Variants in OR2T12 observed in about 807,000 individuals in gnomAD.
The protein encoded by OR2T12 is olfactory receptor family 2 subfamily T member 12.
For missense variants in OR2T12, 335 were observed against 404.3 expected (o/e 0.83, Z 1.47); for synonymous variants, 127 against 160.5 (o/e 0.79, Z 1.58).
At position 248,295,611 on chromosome 1, in the gene OR2T12, A is replaced by C. The variant is rs777749915; in HGVS notation, c.-8-25T>G. ...CCTGGTGTGATGGTGCAAATGGAAA[A>C]ATAGAGAAAGAAGAGGCTTTTATGG... On this transcript the variant is annotated intron_variant, in intron 2 of 2. Coordinates refer to ENST00000641276, the MANE Select transcript of OR2T12 (RefSeq NM_001004692.2). 18 of 1,544,258 alleles carry C rather than the reference A, an allele frequency of 1.2e-5. No individual in the cohort carries two copies. The East Asian group carries it at 3.2e-4, about 27-fold the overall frequency.
Position 248,295,375 on chromosome 1 carries a change from G to C in OR2T12, c.204C>G (p.Asp68Glu), listed in dbSNP as rs546462161. 4.4e-6 allele frequency: 7 copies of C among 1,587,718 alleles called. 1 individual carries two copies. In the African/African-American group the frequency reaches 5.4e-5, roughly 12 times the overall value. ...YFLLSQLSLM[D>E]MMLVSTTVPK... ...GCACAGTGGTGGAAACCAGCATCAT[G>C]TCCATGAGGGAAAGTTGGCTCAGGA... is the stretch of plus-strand genomic sequence containing the variant. Residue 68 changes from aspartate (D) to glutamate (E), a missense_variant, in exon 3 of 3, where the codon GAC becomes GAG. Physicochemically the swap from Asp to Glu is conservative, Grantham distance 45. Coordinates refer to ENST00000641276, the MANE Select transcript of OR2T12 (RefSeq NM_001004692.2).
In OR2T12 at chr1:248,296,473, A is replaced by G. The variant is rs192806928; in HGVS notation, c.-8-887T>C. 6.3e-3 allele frequency among the ~76,000 whole-genome samples: 959 copies of G among 152,316 alleles called. 7 individuals are homozygous for G. Among genetic ancestry groups the G allele is most frequent in the African/African-American group, 0.022 (894 of 41,558 alleles). On this transcript the variant is annotated intron_variant, in intron 2 of 2. Coordinates refer to ENST00000641276, the MANE Select transcript of OR2T12 (RefSeq NM_001004692.2). The stretch of plus-strand genomic sequence containing the variant: ...TGAACGAGTTTACAGCCCCACCAAC[A>G]GTGTAAAAGTGTTCCTATTTCTCCA...
At chr1:248,298,440 T>A (rs1215824221) in intron 2 of OR2T12, among the ~76,000 whole-genome samples, 1 of 152,228 alleles carries the variant, frequency 6.6e-6, no homozygotes, top group African/African-American at 2.4e-5. Flanking sequence ...AAGTTCCTCC[T>A]TGTACCTCTG....
intron 2 of OR2T12, among the ~76,000 whole-genome samples, chr1:248,296,816 T>C (rs1659735300): frequency 6.6e-6 from 1 of 152,200 alleles, no homozygotes; most frequent in Admixed American, 6.5e-5. Flanking sequence ...CCTGTCACTC[T>C]GATGGTAGTT....
At position 248,294,899 on chromosome 1, in the gene OR2T12, C is replaced by T. The variant is rs145703258; in HGVS notation, c.680G>A (p.Arg227His). ...GGCCTTCTTGCGGGCTTCTGTAGAG[C>T]GCATGAGCAGAACAGCAGCGAGGAT... ...GLILAAVLLM[R>H]STEARKKAFA... Residue 227 changes from arginine to histidine, a missense_variant, in exon 3 of 3, where the codon CGC (arginine) becomes CAC (histidine). Coordinates refer to ENST00000641276, the MANE Select transcript of OR2T12 (RefSeq NM_001004692.2). 29 of 1,611,734 alleles carry T rather than the reference C, an allele frequency of 1.8e-5. No homozygotes were observed. Among genetic ancestry groups the T allele is most frequent in the Middle Eastern group, 2.2e-4 (1 of 4,526 alleles).
At position 248,295,054 on chromosome 1, in the gene OR2T12, G is replaced by C. The variant is rs759509374; in HGVS notation, c.525C>G (p.Phe175Leu). 1 of 1,609,974 alleles carries C rather than the reference G, an allele frequency of 6.2e-7. No individual in the cohort carries two copies. The highest frequency in any genetic ancestry group is 8.5e-7 in the Non-Finnish European group (1 of 1,179,518). The change falls in exon 3 of 3, where the codon TTC (phenylalanine) becomes TTG (leucine). Residue 175 changes from phenylalanine to leucine, a missense_variant. Physicochemically the swap from Phe to Leu is conservative, Grantham distance 22. Transcript: ENST00000641276. ...GCACCAACACGGGGGCCTCGCAGAA[G>C]AAGTGATCGATCTCGTGTGCACCGC... is the stretch of plus-strand genomic sequence containing the variant. The part of the protein sequence containing the change: ...PYCGAHEIDH[F>L]FCEAPVLVRL...
rs1228268385 is a variant in OR2T12 at position 248,301,202 on chromosome 1, T to TA, written c.-9+170dup. ...TATATCACAAATTTATAACAGTTTA[T>TA]AAGTGATAAAATTGAAAATACTGAG... On this transcript the variant is annotated intron_variant, in intron 2 of 2. Coordinates refer to ENST00000641276, the MANE Select transcript of OR2T12 (RefSeq NM_001004692.2). Among the ~76,000 whole-genome samples the TA allele has an allele frequency of 2.6e-5, 4 of 152,118 alleles. No individual in the cohort carries two copies. In the East Asian group the frequency reaches 7.7e-4, roughly 29 times the overall value.
chr1:248,296,817 G>A (rs963715689), intron 2 of OR2T12, among the ~76,000 whole-genome samples: 18 of 152,142 alleles, frequency 1.2e-4, no homozygotes, highest in African/African-American at 3.9e-4. Flanking sequence ...CTGTCACTCT[G>A]ATGGTAGTTT....
At chr1:248,297,084 TTCC>T (rs569510013) in intron 2 of OR2T12, among the ~76,000 whole-genome samples, 34 of 152,278 alleles carry the variant, frequency 2.2e-4, no homozygotes, top group African/African-American at 7.9e-4. Context: ...CTAGCCAGTT[TTCC>T]CAGCACCATT....
In OR2T12 at chr1:248,292,677, A is replaced by G. The variant is rs1377806576; in HGVS notation, c.*1939T>C. The stretch of plus-strand genomic sequence containing the variant: ...ACTAGTCTGAAATACCACTTCTTTG[A>G]AACATGTCTATTTTTATACATATTT... On this transcript the variant is annotated 3_prime_UTR_variant, in exon 3 of 3. Transcript: ENST00000641276. 1.3e-5 allele frequency: 2 copies of G among 152,164 alleles called. No individual in the cohort carries two copies. Among genetic ancestry groups the G allele is most frequent in the African/African-American group, 4.8e-5 (2 of 41,554 alleles). 9.4% of individuals were successfully genotyped at this position (152,164 alleles called of 1,614,324 possible).
At position 248,295,097 on chromosome 1, in the gene OR2T12, G is replaced by A; in HGVS notation, c.482C>T (p.Thr161Ile). ...AADGLLQAVATLSFPYCGAHE... is the reference protein window; with the variant it reads ...AADGLLQAVAILSFPYCGAHE... ...TGCACCGCAATATGGGAAGCTCAGG[G>A]TAGCAACAGCCTGCAGGAGGCCGTC... The change falls in exon 3 of 3, where the codon ACC (threonine) becomes ATC (isoleucine). Residue 161 changes from threonine to isoleucine, a missense_variant. Thr to Ile is a moderately conservative substitution (Grantham distance 89, BLOSUM62 -1). Coordinates refer to ENST00000641276, the MANE Select transcript of OR2T12 (RefSeq NM_001004692.2). 5 of 1,608,604 alleles carry A rather than the reference G, an allele frequency of 3.1e-6. No homozygotes were observed. The highest frequency in any genetic ancestry group is 4.2e-6 in the Non-Finnish European group (5 of 1,179,048).
rs373975541 is a variant in OR2T12 at position 248,294,620 on chromosome 1, C to T, written c.959G>A (p.Arg320Lys). The change falls in exon 3 of 3, where the codon AGA becomes AAA. Residue 320 changes from arginine (R) to lysine (K), a missense_variant. Transcript: ENST00000641276. Reference sequence around the variant, plus strand: ...TTAGACTCATCTGACACTAGATCATCTTGACCTGTGGGCCTCATTTTGCTG... The same window carrying T: ...TTAGACTCATCTGACACTAGATCATTTTGACCTGTGGGCCTCATTTTGCTG... ...KHQQNEAHRS[R>K] 1.2e-6 allele frequency: 2 copies of T among 1,613,536 alleles called. No individual in the cohort carries two copies. The highest frequency in any genetic ancestry group is 1.7e-6 in the Non-Finnish European group (2 of 1,179,732).
rs1257607574 is a variant in OR2T12 at position 248,303,368 on chromosome 1, T to C, written c.-212A>G. 1 of 152,210 alleles carries C rather than the reference T, an allele frequency of 6.6e-6. No homozygotes were observed. The highest frequency in any genetic ancestry group is 6.5e-5 in the Admixed American group (1 of 15,276). 9.4% of individuals were successfully genotyped at this position (152,210 alleles called of 1,614,324 possible). A position where few individuals can be genotyped will look rare whatever the true frequency, so the allele number is the denominator to read the frequency against. On this transcript the variant is annotated 5_prime_UTR_variant, in exon 1 of 3. Coordinates refer to ENST00000641276, the MANE Select transcript of OR2T12 (RefSeq NM_001004692.2). ...TACCTCTTAGTACTGATCTGAATAGTGTATATTTTCAATGAGATTGTAGTT... is the reference window on the plus strand; with the variant it reads ...TACCTCTTAGTACTGATCTGAATAGCGTATATTTTCAATGAGATTGTAGTT...
At position 248,290,175 on chromosome 1, in the gene OR2T12, G is replaced by C. The variant is rs1464367234; in HGVS notation, c.*4441C>G. The stretch of plus-strand genomic sequence containing the variant: ...GTGTCCATGTATTCTCATTGTTCAT[G>C]AACAGAGGCCTCATAAACAGAAAAG... On this transcript the variant is annotated 3_prime_UTR_variant, in exon 3 of 3. Coordinates refer to ENST00000641276, the MANE Select transcript of OR2T12 (RefSeq NM_001004692.2). 2.0e-5 allele frequency: 3 copies of C among 151,610 alleles called. No individual in the cohort carries two copies. Among genetic ancestry groups the C allele is most frequent in the African/African-American group, 7.3e-5 (3 of 41,210 alleles). The allele number at this position is 151,610 out of a possible 1,614,324, so 9.4% of individuals were successfully genotyped here.
At chr1:248,297,627 G>A (rs566605512) in intron 2 of OR2T12, among the ~76,000 whole-genome samples, 1 of 152,262 alleles carries the variant, frequency 6.6e-6, no homozygotes, top group South Asian at 2.1e-4. Context: ...TTGTGAATGG[G>A]AGTTTACTCA....
At chr1:248,297,842 T>C (rs940229800) in intron 2 of OR2T12, among the ~76,000 whole-genome samples, 1 of 149,994 alleles carries the variant, frequency 6.7e-6, no homozygotes, top group Admixed American at 6.6e-5. Flanking sequence ...TACCCTTTAT[T>C]TCCTTGTCCT....
rs539895128 is a variant in OR2T12, at chr1:248,292,420, C to T, written c.*2196G>A. The stretch of plus-strand genomic sequence containing the variant: ...CATAAGAACCATATCTTCTCATTTT[C>T]AAACACACAATGGGAAATAACTAAA... On this transcript the variant is annotated 3_prime_UTR_variant, in exon 3 of 3. Coordinates refer to ENST00000641276, the MANE Select transcript of OR2T12 (RefSeq NM_001004692.2). The T allele has an allele frequency of 1.3e-5, 2 of 152,126 alleles. No homozygotes were observed. Among genetic ancestry groups the T allele is most frequent in the East Asian group, 1.9e-4 (1 of 5,172 alleles). The allele number at this position is 152,126 out of a possible 1,614,324, so 9.4% of individuals were successfully genotyped here.
chr1:248,294,991 G>A lies in OR2T12; in HGVS notation c.588C>T (p.Ala196=). 3 of 1,611,196 alleles carry A rather than the reference G, an allele frequency of 1.9e-6. No individual in the cohort carries two copies. The highest frequency in any genetic ancestry group is 2.5e-6 in the Non-Finnish European group (3 of 1,179,740). The change falls in exon 3 of 3, where the codon GCC becomes GCT. Residue 196 remains alanine, a synonymous_variant. Coordinates refer to ENST00000641276, the MANE Select transcript of OR2T12 (RefSeq NM_001004692.2). The stretch of plus-strand genomic sequence containing the variant: ...GCATTAACACACAGCAGATGTACAT[G>A]GCGTTTTCGAAGACTGAAGTGTCAG... ...ACADTSVFEN[A]MYICCVLMLL...
chr1:248,298,241 G>A (rs977013419), intron 2 of OR2T12, among the ~76,000 whole-genome samples: 2 of 152,140 alleles, frequency 1.3e-5, no homozygotes, highest in African/African-American at 4.8e-5. Context: ...TGAGTTGCTG[G>A]ATTTGGTTTG....
Sources: allele counts gnomAD v4.1 joint callset (sites outside exome capture counted in the v4.1 genomes callset), GRCh38; gene constraint gnomAD v4.1.1; transcripts MANE v1.5; gene names NCBI Gene and HGNC (gene_info 2026-07-23, HGNC 2026-07-21).